The following ANXA8 variants were observed in gnomAD, a reference collection of about 807,000 sequenced individuals.
The protein encoded by ANXA8 is annexin A8.
Under a neutral mutation model 26.8 loss-of-function variants are expected in ANXA8, and 9 were observed. That is an observed-to-expected ratio of 0.34 (90% CI 0.20 to 0.59). ANXA8 has a LOEUF of 0.59. Ranked by LOEUF, ANXA8 falls within the 20% of genes least tolerant of loss-of-function variation. The probability of loss-of-function intolerance (pLI) is 0.84; values close to 1 mark genes in which losing one functional copy is unlikely to be tolerated. For synonymous variants in ANXA8, 39 were observed against 94.8 expected, an observed-to-expected ratio of 0.41 and a Z score of 3.42; for missense variants, 83 against 238.5, an observed-to-expected ratio of 0.35 and a Z score of 4.29.
chr10:47,572,576 G>A, the ANXA8 span, among the ~76,000 whole-genome samples: 3 of 150,870 alleles, frequency 2.0e-5, no homozygotes, highest in African/African-American at 7.4e-5. Flanking sequence ...AAGTAGCCAG[G>A]CGTGGTGGCG....
chr10:47,497,567 C>T, the ANXA8 span, among the ~76,000 whole-genome samples: 1 of 147,444 alleles, frequency 6.8e-6, no homozygotes, highest in Non-Finnish European at 1.5e-5. Context: ...TGCCGTGAGC[C>T]GAGATCCTGC....
At chr10:47,488,083 C>T (rs1449538533), upstream of ANXA8, among the ~76,000 whole-genome samples, 3 of 137,276 alleles carry the variant, frequency 2.2e-5, no homozygotes, top group Non-Finnish European at 4.7e-5. Flanking sequence ...CAGAGCTGGG[C>T]CCATCCATGA....
intron 11 of ANXA8, 102 bp from the exon 12 acceptor site, chr10:47,469,008 A>G: frequency 6.7e-7 from 1 of 1,501,170 alleles, no homozygotes; most frequent in Admixed American, 2.0e-5. Context: ...CCTGGCCTGC[A>G]CCTGGCCCGG....
chr10:47,989,303 G>T, the ANXA8 span, among the ~76,000 whole-genome samples: 1 of 125,126 alleles, frequency 8.0e-6, no homozygotes, highest in Non-Finnish European at 1.8e-5. Context: ...AGCTCTCAGT[G>T]CCTGCCGGCT....
chr10:47,590,353 C>G, the ANXA8 span: 1 of 146,710 alleles, frequency 6.8e-6, no homozygotes, highest in East Asian at 1.9e-4. Flanking sequence ...TGATCCACAG[C>G]CAAGGCCTGA....
chr10:47,551,244 T>C, the ANXA8 span, among the ~76,000 whole-genome samples: 1 of 151,536 alleles, frequency 6.6e-6, no homozygotes, highest in African/African-American at 2.4e-5. Context: ...GTTGTATGAT[T>C]GGAGGTAACT....
the ANXA8 span, among the ~76,000 whole-genome samples, chr10:47,638,997 ATATAT>A: frequency 2.4e-4 from 36 of 150,380 alleles, no homozygotes; most frequent in African/African-American, 8.0e-4. Context: ...AATGTGACTA[ATATAT>A]TATGAATTCA....
the ANXA8 span, among the ~76,000 whole-genome samples, chr10:47,649,411 A>G: frequency 7.1e-4 from 108 of 151,580 alleles, no homozygotes; most frequent in Admixed American, 3.0e-3. Context: ...TATTAAAATT[A>G]AATTTTTTTT....
chr10:47,553,552 C>G, the ANXA8 span: 1 of 162,308 alleles, frequency 6.2e-6, no homozygotes, highest in East Asian at 2.0e-4. Context: ...CGCCGACTCG[C>G]CGGAGGGAAA....
chr10:47,937,158 C>A, the ANXA8 span, among the ~76,000 whole-genome samples: 2 of 150,012 alleles, frequency 1.3e-5, no homozygotes, highest in East Asian at 1.9e-4. Flanking sequence ...TGCCCCCCAC[C>A]ACCCAGAAGC....
the ANXA8 span, among the ~76,000 whole-genome samples, chr10:47,566,222 G>A: frequency 1.3e-5 from 2 of 151,900 alleles, no homozygotes; most frequent in African/African-American, 4.8e-5. Flanking sequence ...TTTACTGTCT[G>A]GTATTTAAAC....
the ANXA8 span, among the ~76,000 whole-genome samples, chr10:47,950,657 T>C: frequency 1.3e-5 from 2 of 150,634 alleles, no homozygotes; most frequent in South Asian, 2.1e-4. Context: ...GGAACTAAAA[T>C]AGAAGTTAAT....
chr10:47,966,614 G>C, the ANXA8 span, among the ~76,000 whole-genome samples: 3 of 148,350 alleles, frequency 2.0e-5, no homozygotes, highest in Non-Finnish European at 4.5e-5. Flanking sequence ...CAAGAGGCAG[G>C]AGCCAAGTGG....
chr10:47,560,785 A>G, the ANXA8 span, among the ~76,000 whole-genome samples: 2 of 152,032 alleles, frequency 1.3e-5, no homozygotes, highest in Admixed American at 6.5e-5. Flanking sequence ...AGCATTTTGA[A>G]TAATTTGAAA....
chr10:47,623,863 CTTTTTT>C, the ANXA8 span, among the ~76,000 whole-genome samples: 2 of 90,614 alleles, frequency 2.2e-5, 1 homozygote, highest in Admixed American at 2.4e-4. Flanking sequence ...GGTCTCCCTT[CTTTTTT>C]TTTTTTTTAA....
At chr10:47,871,415 TG>T in the ANXA8 span, among the ~76,000 whole-genome samples, 2 of 149,614 alleles carry the variant, frequency 1.3e-5, no homozygotes, top group Non-Finnish European at 3.0e-5. Context: ...TAATTTGAGA[TG>T]GGTTATTAAT....
chr10:47,476,449 G>A, intron 4 of ANXA8, 127 bp from the exon 5 acceptor site: 3 of 1,143,896 alleles, frequency 2.6e-6, no homozygotes, highest in South Asian at 1.5e-5. Flanking sequence ...TGAAGTGGGA[G>A]GATGTGATGA....
chr10:47,937,704 G>T, the ANXA8 span, among the ~76,000 whole-genome samples: 1 of 144,584 alleles, frequency 6.9e-6, no homozygotes, highest in Admixed American at 6.8e-5. Flanking sequence ...ACTTATAAGT[G>T]AGAACATGTG....
At chr10:47,953,904 G>A in the ANXA8 span, among the ~76,000 whole-genome samples, 1 of 150,018 alleles carries the variant, frequency 6.7e-6, no homozygotes, top group African/African-American at 2.5e-5. Context: ...ATGTTGGTGA[G>A]GATGTGGAGA....
Sources: allele counts gnomAD v4.1 joint callset (sites outside exome capture counted in the v4.1 genomes callset), GRCh38; gene constraint gnomAD v4.1.1; transcripts MANE v1.5; gene names NCBI Gene and HGNC (gene_info 2026-07-23, HGNC 2026-07-21).